The following FOXN3 variants were observed in gnomAD, a reference collection of about 807,000 sequenced individuals.
FOXN3 encodes the protein forkhead box protein N3.
Under a neutral mutation model 38.4 loss-of-function variants are expected in FOXN3, and 7 were observed. The ratio of observed to expected loss-of-function variants is 0.18; its 90% CI spans 0.10 to 0.34. The LOEUF (loss-of-function observed/expected upper bound fraction) is 0.34. FOXN3 is among the 10% of genes least tolerant of loss of function. The pLI, the probability that FOXN3 is intolerant of heterozygous loss-of-function variation, is 1.00. For synonymous variants in FOXN3, 230 were observed against 242.2 expected, an observed-to-expected ratio of 0.95 and a Z score of 0.47; for missense variants, 456 against 613.4, an observed-to-expected ratio of 0.74 and a Z score of 2.71.
At chr14:89,461,799 G>A (rs775320495) in intron 1 of FOXN3, among the ~76,000 whole-genome samples, 5 of 152,104 alleles carry the variant, frequency 3.3e-5, no homozygotes, top group Non-Finnish European at 5.9e-5. Flanking sequence ...TTTAAGCAGG[G>A]AGCAAACTAG....
intron 4 of FOXN3, among the ~76,000 whole-genome samples, chr14:89,256,206 AT>A (rs1370505125): frequency 6.6e-6 from 1 of 152,186 alleles, no homozygotes; most frequent in Non-Finnish European, 1.5e-5. Flanking sequence ...GAGTTTTTCA[AT>A]GAATAACTGG....
At chr14:89,555,421 T>C (rs1214269617) in intron 1 of FOXN3, among the ~76,000 whole-genome samples, 1 of 152,198 alleles carries the variant, frequency 6.6e-6, no homozygotes, top group Non-Finnish European at 1.5e-5. Context: ...CCATAGAAAG[T>C]AACAGTATTA....
chr14:89,329,855 C>CAAAAAAAAAAAA (rs57791098), intron 3 of FOXN3, among the ~76,000 whole-genome samples: 4 of 59,868 alleles, frequency 6.7e-5, no homozygotes, highest in African/African-American at 1.8e-4. Flanking sequence ...GACTCAGTCT[C>CAAAAAAAAAAAA]AAAAAAAAAA....
At chr14:89,485,149 C>CTCAAA (rs35822127) in intron 1 of FOXN3, among the ~76,000 whole-genome samples, 1 of 129,074 alleles carries the variant, frequency 7.7e-6, no homozygotes. Flanking sequence ...AAGACTCTCT[C>CTCAAA]AAAAAAAAAA....
chr14:89,312,017 GCTCACAC>G (rs1406343943), intron 3 of FOXN3, among the ~76,000 whole-genome samples: 1 of 152,092 alleles, frequency 6.6e-6, no homozygotes, highest in African/African-American at 2.4e-5. Context: ...GGGCACAGTG[GCTCACAC>G]CTGTAATGCC....
intron 1 of FOXN3, among the ~76,000 whole-genome samples, chr14:89,530,366 A>G (rs1022054029): frequency 6.6e-5 from 10 of 152,202 alleles, no homozygotes; most frequent in African/African-American, 2.4e-4. Flanking sequence ...GCAGCAGGCA[A>G]GAGAGCATGA....
intron 1 of FOXN3, among the ~76,000 whole-genome samples, chr14:89,606,134 C>T (rs1363319417): frequency 6.6e-6 from 1 of 152,044 alleles, no homozygotes; most frequent in African/African-American, 2.4e-5. Context: ...CATTATGCCT[C>T]CCAATGTTAA....
chr14:89,546,033 A>G (rs1276884436), intron 1 of FOXN3, among the ~76,000 whole-genome samples: 2 of 152,180 alleles, frequency 1.3e-5, no homozygotes, highest in Non-Finnish European at 2.9e-5. Flanking sequence ...TTTGTTTTTC[A>G]CTGGAGAACA....
chr14:89,611,170 C>T (rs1417927514), intron 1 of FOXN3, among the ~76,000 whole-genome samples: 1 of 152,198 alleles, frequency 6.6e-6, no homozygotes, highest in Non-Finnish European at 1.5e-5. Context: ...AACCTAACTT[C>T]GTCTCTGTAG....
rs747219009 is a variant in FOXN3, at chr14:89,162,804, TGAGGAGGAG to T, written c.1008_1016del (p.Ser337_Ser339del). On this transcript the variant is annotated inframe_deletion, in exon 6 of 6. Transcript: ENST00000557258. This position sits in a 1 kb window ranked among gnomAD's most constrained non-coding sequence, Gnocchi z 7.2. Reference sequence around the variant, plus strand: ...TGGCAAACTCATAGTGGTCGTCGGCTGAGGAGGAGGAGGAGGAGATGGAGTCGCTGGTGG... The same window carrying T: ...TGGCAAACTCATAGTGGTCGTCGGCTGAGGAGGAGATGGAGTCGCTGGTGG... 3 of 1,610,088 alleles carry T rather than the reference TGAGGAGGAG, an allele frequency of 1.9e-6. No homozygotes were observed. Among genetic ancestry groups the T allele is most frequent in the South Asian group, 1.1e-5 (1 of 90,798 alleles).
At chr14:89,217,056 G>A (rs998949272) in intron 4 of FOXN3, among the ~76,000 whole-genome samples, 2 of 152,168 alleles carry the variant, frequency 1.3e-5, no homozygotes, top group Non-Finnish European at 2.9e-5. Context: ...CTGGGTAAAC[G>A]GGGTATGTAA....
chr14:89,576,778 CCCT>C (rs994586123), intron 1 of FOXN3: 1 of 152,154 alleles, frequency 6.6e-6, no homozygotes, highest in Non-Finnish European at 1.5e-5. Flanking sequence ...CTCCTTCCCT[CCCT>C]CCTCCGTCTC....
chr14:89,607,346 G>A (rs564315843), intron 1 of FOXN3, among the ~76,000 whole-genome samples: 1 of 152,170 alleles, frequency 6.6e-6, no homozygotes, highest in Admixed American at 6.5e-5. Context: ...ATCACTTGAG[G>A]TCAGGAGTTT....
chr14:89,435,760 ACAC>A (rs1892262107), intron 1 of FOXN3, among the ~76,000 whole-genome samples: 1 of 152,202 alleles, frequency 6.6e-6, no homozygotes, highest in African/African-American at 2.4e-5. Context: ...GCTTCTGCCA[ACAC>A]CAGCTCCCTT....
At chr14:89,211,648 A>G (rs1195427296) in intron 4 of FOXN3, among the ~76,000 whole-genome samples, 1 of 152,186 alleles carries the variant, frequency 6.6e-6, no homozygotes, top group Non-Finnish European at 1.5e-5. Flanking sequence ...CTTTTATCCA[A>G]TTCTTTTAGG....
intron 1 of FOXN3, among the ~76,000 whole-genome samples, chr14:89,610,186 T>C (rs77416494): frequency 6.6e-6 from 1 of 152,038 alleles, no homozygotes; most frequent in East Asian, 1.9e-4. Context: ...CCTGCTGATG[T>C]CCTGGGCACA....
Position 89,157,110 on chromosome 14 carries a change from T to A in FOXN3, c.*5304A>T, listed in dbSNP as rs1886998320. ...TGTTGTATATATTCCAAATAAATAG[T>A]CTCGATTTCAATGCTAACAAAACAA... is the stretch of plus-strand genomic sequence containing the variant. On this transcript the variant is annotated 3_prime_UTR_variant, in exon 6 of 6. Transcript: ENST00000557258. The A allele has an allele frequency of 6.6e-6, 1 of 152,614 alleles. No individual in the cohort carries two copies. The highest frequency in any genetic ancestry group is 1.5e-5 in the Non-Finnish European group (1 of 68,034). The allele number at this position is 152,614 out of a possible 1,614,324, so 9.5% of individuals were successfully genotyped here. A position where few individuals can be genotyped will look rare whatever the true frequency, so the allele number is the denominator to read the frequency against.
intron 1 of FOXN3, among the ~76,000 whole-genome samples, chr14:89,593,111 A>G (rs1895991904): frequency 8.1e-6 from 1 of 123,930 alleles, no homozygotes; most frequent in Non-Finnish European, 1.7e-5. Flanking sequence ...AAGAAAGGAG[A>G]GAGAGAGAAA....
At chr14:89,339,243 A>T (rs1888547774) in intron 3 of FOXN3, among the ~76,000 whole-genome samples, 1 of 152,096 alleles carries the variant, frequency 6.6e-6, no homozygotes, top group African/African-American at 2.4e-5. Flanking sequence ...CAAAGTGCTG[A>T]GATTACAGGT....
Sources: gnomAD v4.1 joint callset for allele counts (sites outside exome capture counted in the v4.1 genomes callset) on GRCh38, gnomAD v4.1.1 for gene constraint, Gnocchi (gnomAD v3.1) non-coding constraint, MANE v1.5 for transcripts, NCBI Gene and HGNC (gene_info 2026-07-23, HGNC 2026-07-21) for gene names.